NTM: variants seen among roughly 807,000 people sequenced by gnomAD.
NTM encodes neurotrimin.
A neutral mutation model predicts 42.1 loss-of-function variants in NTM; 13 were observed. The ratio of observed to expected loss-of-function variants is 0.31; its 90% CI spans 0.20 to 0.49. NTM has a LOEUF of 0.49. NTM is among the 20% of genes least tolerant of loss of function. The probability of loss-of-function intolerance (pLI) is 0.99; values close to 1 mark genes in which losing one functional copy is unlikely to be tolerated. For missense variants in NTM, 373 were observed against 452.8 expected, an observed-to-expected ratio of 0.82 and a Z score of 1.60; for synonymous variants, 187 against 179.2, an observed-to-expected ratio of 1.04 and a Z score of -0.35.
At chr11:131,518,337 C>T (rs1031201902) in intron 1 of NTM, among the ~76,000 whole-genome samples, 49 of 152,178 alleles carry the variant, frequency 3.2e-4, no homozygotes, top group Non-Finnish European at 1.3e-4. Flanking sequence ...CTCTAAGTCT[C>T]CTTGCTGTTT....
intron 1 of NTM, among the ~76,000 whole-genome samples, chr11:131,436,015 A>C (rs1354575351): frequency 6.6e-6 from 1 of 152,148 alleles, no homozygotes; most frequent in Non-Finnish European, 1.5e-5. Context: ...CAATTTTGTC[A>C]AAGGCTTTTT....
chr11:132,085,083 A>T (rs2059538170), intron 2 of NTM, among the ~76,000 whole-genome samples: 1 of 152,222 alleles, frequency 6.6e-6, no homozygotes, highest in Non-Finnish European at 1.5e-5. Context: ...TGCAAGATTA[A>T]TTTTTAGAAA....
chr11:131,948,420 A>G (rs1413020106), intron 2 of NTM, among the ~76,000 whole-genome samples: 1 of 137,464 alleles, frequency 7.3e-6, no homozygotes, highest in Non-Finnish European at 1.6e-5. Flanking sequence ...AATCATTATC[A>G]CATCCAAAGG....
chr11:132,259,699 A>G (rs2092725327), intron 4 of NTM, among the ~76,000 whole-genome samples: 1 of 151,976 alleles, frequency 6.6e-6, no homozygotes, highest in South Asian at 2.1e-4. Context: ...GAAGTTTTTT[A>G]GTTGATCACC....
Position 132,285,552 on chromosome 11 carries a change from T to C in NTM, c.527-22137T>C, listed in dbSNP as rs564221013. On this transcript the variant is annotated intron_variant, in intron 4 of 8. Transcript: ENST00000683400. ...CCCTGCTGTTCAGGAGCACCCAGAT[T>C]GGGGCATCGGTGCACCTGGACTTGC... 8.5e-5 allele frequency among the ~76,000 whole-genome samples: 13 copies of C among 152,288 alleles called. No individual in the cohort carries two copies. The South Asian group carries it at 2.7e-3, about 32-fold the overall frequency.
At chr11:132,089,980 A>G (rs1344318876) in intron 2 of NTM, among the ~76,000 whole-genome samples, 2 of 152,164 alleles carry the variant, frequency 1.3e-5, no homozygotes, top group Non-Finnish European at 2.9e-5. Flanking sequence ...TTTACACTTC[A>G]TGGAGCCCTT....
At chr11:131,959,789 A>T (rs1196501192) in intron 2 of NTM, among the ~76,000 whole-genome samples, 1 of 152,226 alleles carries the variant, frequency 6.6e-6, no homozygotes, top group African/African-American at 2.4e-5. Flanking sequence ...AGCAGGATGA[A>T]GCTGTTCTAC....
intron 4 of NTM, among the ~76,000 whole-genome samples, chr11:132,224,414 A>G (rs1031088308): frequency 6.6e-6 from 1 of 152,046 alleles, no homozygotes. Flanking sequence ...TCTTTTCTCT[A>G]GGGGAATGAA....
intron 1 of NTM, among the ~76,000 whole-genome samples, chr11:131,854,343 T>C (rs186560407): frequency 1.3e-5 from 2 of 152,350 alleles, no homozygotes; most frequent in Non-Finnish European, 2.9e-5. Context: ...CCAAATTGTT[T>C]TTAAAAAGGA....
chr11:132,166,627 A>T (rs1043872529), intron 3 of NTM, among the ~76,000 whole-genome samples: 1 of 152,232 alleles, frequency 6.6e-6, no homozygotes, highest in Admixed American at 6.5e-5. Flanking sequence ...TGGACCCAGT[A>T]TTCTCAAGAT....
Position 132,213,884 on chromosome 11 carries a change from G to A in NTM, c.526+1737G>A, listed in dbSNP as rs372376100. ...CAAGTAGCTGGGACTACAGGCGCCCGCCACTACGCCCGGCTAATTTTTTGT... is the reference window on the plus strand; with the variant it reads ...CAAGTAGCTGGGACTACAGGCGCCCACCACTACGCCCGGCTAATTTTTTGT... On this transcript the variant is annotated intron_variant, in intron 4 of 8. Transcript: ENST00000683400. Among the ~76,000 whole-genome samples, 4 of 116,544 alleles carry A rather than the reference G, an allele frequency of 3.4e-5. 1 individual carries two copies. Among genetic ancestry groups the A allele is most frequent in the Non-Finnish European group, 5.8e-5 (3 of 51,390 alleles). The allele number at this position is 116,544 out of a possible 152,430, so 76.5% of individuals were successfully genotyped here. A position where few individuals can be genotyped will look rare whatever the true frequency, so the allele number is the denominator to read the frequency against.
chr11:132,166,586 A>C (rs1319323312), intron 3 of NTM, among the ~76,000 whole-genome samples: 1 of 152,222 alleles, frequency 6.6e-6, no homozygotes, highest in Non-Finnish European at 1.5e-5. Context: ...CCACATAGTA[A>C]TTAGAGAGAA....
intron 1 of NTM, among the ~76,000 whole-genome samples, chr11:131,822,326 C>T (rs144732363): frequency 8.5e-5 from 13 of 152,216 alleles, no homozygotes; most frequent in East Asian, 5.8e-4. Context: ...AAGACTCTCA[C>T]GCAGCTTTCT....
intron 6 of NTM, among the ~76,000 whole-genome samples, chr11:132,313,973 T>C (rs1319975876): frequency 6.6e-6 from 1 of 152,190 alleles, no homozygotes; most frequent in East Asian, 1.9e-4. Flanking sequence ...CAGAGTCCCC[T>C]GATGAGAAAA....
At chr11:131,677,365 T>C (rs753869873) in intron 1 of NTM, among the ~76,000 whole-genome samples, 7 of 152,252 alleles carry the variant, frequency 4.6e-5, no homozygotes, top group Non-Finnish European at 8.8e-5. Context: ...AAGTCCTTAA[T>C]AAACTCTAGC....
chr11:132,236,023 A>ACACAC (rs1566544925), intron 4 of NTM, among the ~76,000 whole-genome samples: 3 of 113,206 alleles, frequency 2.7e-5, no homozygotes, highest in South Asian at 2.7e-4. Context: ...CACACACACA[A>ACACAC]CAAAATTGTA....
chr11:131,965,832 A>G (rs778183400), intron 2 of NTM, among the ~76,000 whole-genome samples: 7 of 152,012 alleles, frequency 4.6e-5, no homozygotes, highest in Admixed American at 1.3e-4. Context: ...CAAATCTGCC[A>G]TGGCTAGCAT....
intron 1 of NTM, among the ~76,000 whole-genome samples, chr11:131,740,330 A>G (rs567288697): frequency 6.6e-6 from 1 of 152,352 alleles, no homozygotes; most frequent in East Asian, 1.9e-4. Context: ...TGTATGGAGC[A>G]CATAAGGAGT....
intron 1 of NTM, among the ~76,000 whole-genome samples, chr11:131,762,464 A>T (rs11222778): frequency 0.26 from 38,963 of 152,182 alleles, 6,051 homozygotes; most frequent in East Asian, 0.41. Flanking sequence ...ACATGGACAG[A>T]TGGGCAGTGT....
Sources: allele counts gnomAD v4.1 joint callset (sites outside exome capture counted in the v4.1 genomes callset), GRCh38; gene constraint gnomAD v4.1.1; transcripts MANE v1.5; gene names NCBI Gene and HGNC (gene_info 2026-07-23, HGNC 2026-07-21).